The following OXR1 variants were observed in gnomAD, a reference collection of about 807,000 sequenced individuals.
OXR1 encodes oxidation resistance 1.
OXR1 carries 41 observed loss-of-function variants against 104.6 expected under a neutral mutation model. That is an observed-to-expected ratio of 0.39 (90% CI 0.31 to 0.51). The LOEUF (loss-of-function observed/expected upper bound fraction) is 0.51. OXR1 is among the 20% of genes least tolerant of loss of function. The pLI is 0.77. For missense variants in OXR1, 955 were observed against 1,031.9 expected (o/e 0.93, Z 1.02); for synonymous variants, 348 against 348.4 (o/e 1.00, Z 0.01).
intron 3 of OXR1, among the ~76,000 whole-genome samples, chr8:106,653,071 GAAA>G (rs536723741): frequency 6.5e-4 from 84 of 129,920 alleles, no homozygotes; most frequent in African/African-American, 2.1e-3. Flanking sequence ...AGGAGAAATA[GAAA>G]AAAAAAAAAA....
At chr8:106,323,669 AAAC>A (rs1315733056) in intron 1 of OXR1, among the ~76,000 whole-genome samples, 1 of 152,206 alleles carries the variant, frequency 6.6e-6, no homozygotes, top group African/African-American at 2.4e-5. Context: ...TACAAGATAA[AAAC>A]AAAAACCCCA....
At chr8:106,450,578 T>A (rs1820256804) in intron 2 of OXR1, among the ~76,000 whole-genome samples, 1 of 152,134 alleles carries the variant, frequency 6.6e-6, no homozygotes, top group African/African-American at 2.4e-5. Context: ...CTGCTCTTCT[T>A]GGCTGATGCA....
intron 1 of OXR1, among the ~76,000 whole-genome samples, chr8:106,282,229 T>C (rs1812319655): frequency 6.6e-6 from 1 of 152,208 alleles, no homozygotes; most frequent in Non-Finnish European, 1.5e-5. Flanking sequence ...GGCATATTCA[T>C]TAATTATGGG....
At chr8:106,532,611 C>T (rs1814177804) in intron 3 of OXR1, among the ~76,000 whole-genome samples, 1 of 152,090 alleles carries the variant, frequency 6.6e-6, no homozygotes, top group Non-Finnish European at 1.5e-5. Context: ...TAAGAGGCAG[C>T]AGGACAAGCA....
chr8:106,606,061 A>G (rs1237049496), intron 3 of OXR1, among the ~76,000 whole-genome samples: 1 of 152,000 alleles, frequency 6.6e-6, no homozygotes, highest in Non-Finnish European at 1.5e-5. Flanking sequence ...AAACAAATTT[A>G]TTATATTAAG....
chr8:106,742,152 T>C (rs1221106407), intron 14 of OXR1, 70 bp from the exon 15 acceptor site: 4 of 871,030 alleles, frequency 4.6e-6, no homozygotes, highest in East Asian at 2.5e-5. Flanking sequence ...TTTAAACATA[T>C]ATGATGAAAT....
Position 106,675,972 on chromosome 8 carries a change from G to A in OXR1, c.221-3238G>A, listed in dbSNP as rs146556864. Among the ~76,000 whole-genome samples the A allele has an allele frequency of 2.9e-3, 444 of 152,238 alleles. 2 individuals are homozygous for A. The highest frequency in any genetic ancestry group is 0.01 in the African/African-American group (424 of 41,520). Reference sequence around the variant, plus strand: ...TTGCTTTATGAATCTGAGTGCTCCTGTGTTGTGTGCATATATATATCTAGG... The same window carrying A: ...TTGCTTTATGAATCTGAGTGCTCCTATGTTGTGTGCATATATATATCTAGG... On this transcript the variant is annotated intron_variant, in intron 3 of 16. Transcript: ENST00000517566.
At chr8:106,540,992 A>G (rs1814914542) in intron 3 of OXR1, among the ~76,000 whole-genome samples, 1 of 152,194 alleles carries the variant, frequency 6.6e-6, no homozygotes, top group Admixed American at 6.5e-5. Flanking sequence ...TATCAGGTGC[A>G]CAGCCAGATA....
chr8:106,339,118 GT>G (rs1815087522), intron 1 of OXR1, among the ~76,000 whole-genome samples: 1 of 151,886 alleles, frequency 6.6e-6, no homozygotes, highest in African/African-American at 2.4e-5. Context: ...ATACTTTTGT[GT>G]CCACATTGAT....
intron 9 of OXR1, 123 bp downstream of exon 9, chr8:106,707,268 C>CG (rs1831236812): frequency 3.8e-6 from 3 of 798,452 alleles, no homozygotes; most frequent in Non-Finnish European, 6.4e-6. Context: ...GACCCTTGAC[C>CG]GGTGATTCTC....
chr8:106,682,980 A>G lies in OXR1; in HGVS notation c.304-219A>G, dbSNP rs546604264. 3.3e-5 allele frequency among the ~76,000 whole-genome samples: 5 copies of G among 152,332 alleles called. No homozygotes were observed. In the East Asian group the frequency reaches 9.6e-4, roughly 29 times the overall value. On this transcript the variant is annotated intron_variant, in intron 4 of 16. Coordinates refer to ENST00000517566, the MANE Select transcript of OXR1 (RefSeq NM_001198533.2). ...GAAATTACTTGAAGTAGAGACCTAC[A>G]TGTAAATGTATTGTGATGAAGCCTT... is the stretch of plus-strand genomic sequence containing the variant.
intron 2 of OXR1, among the ~76,000 whole-genome samples, chr8:106,485,022 A>G (rs1822364252): frequency 6.8e-6 from 1 of 147,808 alleles, no homozygotes; most frequent in Non-Finnish European, 1.5e-5. Flanking sequence ...CGAGCCATGA[A>G]AAGATAGGGA....
chr8:106,735,797 T>C (rs1834316015), intron 11 of OXR1, among the ~76,000 whole-genome samples: 1 of 152,158 alleles, frequency 6.6e-6, no homozygotes, highest in South Asian at 2.1e-4. Flanking sequence ...CTATTGTTCT[T>C]AATTGAAAGT....
intron 3 of OXR1, among the ~76,000 whole-genome samples, chr8:106,561,284 G>T (rs1160003168): frequency 6.6e-6 from 1 of 152,100 alleles, no homozygotes; most frequent in African/African-American, 2.4e-5. Context: ...CTGGAGCTTG[G>T]TGGGGGGAGG....
At chr8:106,621,027 C>A (rs35480722) in intron 3 of OXR1, among the ~76,000 whole-genome samples, 1 of 151,932 alleles carries the variant, frequency 6.6e-6, no homozygotes, top group Non-Finnish European at 1.5e-5. Context: ...AATGATGATA[C>A]GACCCATTAA....
intron 2 of OXR1, among the ~76,000 whole-genome samples, chr8:106,489,366 A>G (rs2129836752): frequency 6.6e-6 from 1 of 152,262 alleles, no homozygotes; most frequent in Non-Finnish European, 1.5e-5. Context: ...GAGAGAGCAC[A>G]CCCCAGCAGT....
chr8:106,295,949 C>A lies in OXR1; in HGVS notation c.-139+25582C>A, dbSNP rs139742703. On this transcript the variant is annotated intron_variant, in intron 1 of 16. Coordinates refer to ENST00000517566, the MANE Select transcript of OXR1 (RefSeq NM_001198533.2). ...AGTCATGCTTCCTTGGTGGAGATCTCAGAGCCTGGAAAGTCTTCTAACCTG... is the reference window on the plus strand; with the variant it reads ...AGTCATGCTTCCTTGGTGGAGATCTAAGAGCCTGGAAAGTCTTCTAACCTG... 7.7e-3 allele frequency among the ~76,000 whole-genome samples: 1,171 copies of A among 152,294 alleles called. 63 individuals are homozygous for A. The highest frequency in any genetic ancestry group is 0.069 in the Admixed American group (1,057 of 15,296).
intron 3 of OXR1, among the ~76,000 whole-genome samples, chr8:106,577,991 G>C (rs568166166): frequency 2.0e-5 from 3 of 152,312 alleles, no homozygotes; most frequent in African/African-American, 7.2e-5. Flanking sequence ...CTTCAGAGAC[G>C]CCAGCATTAG....
chr8:106,330,697 A>G (rs1256581910), intron 1 of OXR1, among the ~76,000 whole-genome samples: 3 of 152,176 alleles, frequency 2.0e-5, no homozygotes, highest in African/African-American at 4.8e-5. Flanking sequence ...GCCGGAGAAA[A>G]CAAACATGAC....
Sources: allele counts gnomAD v4.1 joint callset (sites outside exome capture counted in the v4.1 genomes callset), GRCh38; gene constraint gnomAD v4.1.1; transcripts MANE v1.5; gene names NCBI Gene and HGNC (gene_info 2026-07-23, HGNC 2026-07-21).